GFRA1: variants seen among roughly 807,000 people sequenced by gnomAD.
GFRA1 encodes the protein GDNF family receptor alpha-1.
GFRA1 carries 16 observed loss-of-function variants against 51.6 expected under a neutral mutation model. That is an observed-to-expected ratio of 0.31 (90% confidence interval 0.21 to 0.47). GFRA1 has a LOEUF of 0.47. Ranked by LOEUF, GFRA1 falls within the 20% of genes least tolerant of loss-of-function variation. GFRA1 has a pLI of 1.00. For synonymous variants in GFRA1, 270 were observed against 241.3 expected (o/e 1.12, Z -1.10); for missense variants, 530 against 594.3 (o/e 0.89, Z 1.13).
intron 4 of GFRA1, among the ~76,000 whole-genome samples, chr10:116,248,201 G>A (rs981910854): frequency 2.0e-5 from 3 of 152,178 alleles, no homozygotes; most frequent in African/African-American, 7.2e-5. Flanking sequence ...AGGGCAAAAG[G>A]TAAGAGCAAG....
At chr10:116,151,214 T>C (rs1270540504) in intron 5 of GFRA1, among the ~76,000 whole-genome samples, 1 of 152,180 alleles carries the variant, frequency 6.6e-6, no homozygotes, top group Non-Finnish European at 1.5e-5. Flanking sequence ...TGCTTTCTGC[T>C]CCTAGGTTTC....
At chr10:116,266,694 C>T (rs1969681541) in intron 4 of GFRA1, among the ~76,000 whole-genome samples, 1 of 152,186 alleles carries the variant, frequency 6.6e-6, no homozygotes. Flanking sequence ...AGAAAGCTGG[C>T]CTGCGAATGG....
At chr10:116,197,377 A>G (rs974025375) in intron 5 of GFRA1, among the ~76,000 whole-genome samples, 1 of 152,152 alleles carries the variant, frequency 6.6e-6, no homozygotes, top group South Asian at 2.1e-4. Context: ...CCTTGATCTT[A>G]GACCTCCCAG....
At position 116,211,246 on chromosome 10, in the gene GFRA1, A is replaced by G. The variant is rs1965170202; in HGVS notation, c.433+385T>C. 3.3e-5 allele frequency among the ~76,000 whole-genome samples: 5 copies of G among 152,210 alleles called. No homozygotes were observed. The South Asian group carries it at 1.0e-3, about 32-fold the overall frequency. Reference sequence around the variant, plus strand: ...AATCTCCACTGGCACTGGTATAAGGAGCAGCAGCTGAGCCGGATGCAGGAG... The same window carrying G: ...AATCTCCACTGGCACTGGTATAAGGGGCAGCAGCTGAGCCGGATGCAGGAG... On this transcript the variant is annotated intron_variant, in intron 5 of 10. Transcript: ENST00000355422.
chr10:116,195,677 G>C (rs544947269), intron 5 of GFRA1, among the ~76,000 whole-genome samples: 8 of 152,274 alleles, frequency 5.3e-5, no homozygotes, highest in African/African-American at 1.9e-4. Flanking sequence ...CATGGCCCAG[G>C]GATCTCCAAC....
chr10:116,270,122 C>A (rs1262701983), intron 3 of GFRA1, among the ~76,000 whole-genome samples: 1 of 152,152 alleles, frequency 6.6e-6, no homozygotes, highest in African/African-American at 2.4e-5. Context: ...AATGAACACA[C>A]AAGATGTTTG....
intron 4 of GFRA1, among the ~76,000 whole-genome samples, chr10:116,256,025 G>A (rs1014983823): frequency 6.6e-6 from 1 of 152,152 alleles, no homozygotes; most frequent in Non-Finnish European, 1.5e-5. Flanking sequence ...AAAGGAAGGC[G>A]CTGGCAGTCA....
chr10:116,220,109 A>C (rs1234756136), intron 4 of GFRA1, among the ~76,000 whole-genome samples: 1 of 152,194 alleles, frequency 6.6e-6, no homozygotes, highest in African/African-American at 2.4e-5. Context: ...TTCACAAAAA[A>C]ATTTCATTCT....
chr10:116,272,059 C>T lies in GFRA1; in HGVS notation c.-30G>A, dbSNP rs376620181. On this transcript the variant is annotated 5_prime_UTR_variant, in exon 2 of 11. Coordinates refer to ENST00000355422, the MANE Select transcript of GFRA1 (RefSeq NM_005264.8). This position sits in a 1 kb window ranked among gnomAD's most constrained non-coding sequence, Gnocchi z 4.4. Reference sequence around the variant, plus strand: ...CCGGCGCGGGGCTGGTCCCCGCCCCCCCAAAAAAATCCCGAGCCGCCGCTG... The same window carrying T: ...CCGGCGCGGGGCTGGTCCCCGCCCCTCCAAAAAAATCCCGAGCCGCCGCTG... 5.2e-6 allele frequency: 8 copies of T among 1,545,908 alleles called. No homozygotes were observed. Among genetic ancestry groups the T allele is most frequent in the Non-Finnish European group, 7.0e-6 (8 of 1,143,820 alleles).
intron 6 of GFRA1, among the ~76,000 whole-genome samples, chr10:116,102,552 G>A (rs1036296455): frequency 3.9e-5 from 6 of 152,184 alleles, no homozygotes; most frequent in Non-Finnish European, 8.8e-5. Context: ...GAGGTTTAAT[G>A]CATTCACAGT....
chr10:116,098,775 C>T (rs939285283), intron 6 of GFRA1, among the ~76,000 whole-genome samples: 2 of 152,234 alleles, frequency 1.3e-5, no homozygotes, highest in African/African-American at 4.8e-5. Context: ...AGACTAATGC[C>T]ACCAGACTCA....
intron 5 of GFRA1, among the ~76,000 whole-genome samples, chr10:116,169,040 G>C (rs1441190975): frequency 6.6e-6 from 1 of 152,144 alleles, no homozygotes; most frequent in Admixed American, 6.5e-5. Flanking sequence ...AGGGCAGTGG[G>C]CTGGGCCCCA....
intron 6 of GFRA1, among the ~76,000 whole-genome samples, chr10:116,100,364 T>C (rs1429020175): frequency 1.3e-5 from 2 of 152,184 alleles, no homozygotes; most frequent in Non-Finnish European, 2.9e-5. Flanking sequence ...TTTAAGCAAC[T>C]CCTTCTAGGT....
rs141759287 is a variant in GFRA1 at position 116,088,139 on chromosome 10, C to T, written c.1197+1602G>A. 3.5e-4 allele frequency among the ~76,000 whole-genome samples: 53 copies of T among 152,116 alleles called. 1 individual carries two copies. The East Asian group carries it at 9.2e-3, about 26-fold the overall frequency. ...CAGAGACATAAGCTCAGATGAATGG[C>T]GTGGAGGACACCCAAGATGAAGAGG... On this transcript the variant is annotated intron_variant, in intron 9 of 10. Coordinates refer to ENST00000355422, the MANE Select transcript of GFRA1 (RefSeq NM_005264.8).
At chr10:116,239,872 C>G (rs886562024) in intron 4 of GFRA1, among the ~76,000 whole-genome samples, 1 of 152,100 alleles carries the variant, frequency 6.6e-6, no homozygotes, top group African/African-American at 2.4e-5. Context: ...TTGAGCAAAA[C>G]TATCAAAGCA....
At position 116,137,129 on chromosome 10, in the gene GFRA1, G is replaced by C. The variant is rs544323983; in HGVS notation, c.434-11572C>G. On this transcript the variant is annotated intron_variant, in intron 5 of 10. Coordinates refer to ENST00000355422, the MANE Select transcript of GFRA1 (RefSeq NM_005264.8). ...TTCCTCCCAACAGCTAGAGCAAAAA[G>C]ATGCCACCAGAAGGCAGGCTACAGG... Among the ~76,000 whole-genome samples the C allele has an allele frequency of 3.5e-4, 53 of 152,282 alleles. No homozygotes were observed. The South Asian group carries it at 3.7e-3, about 11-fold the overall frequency.
intron 6 of GFRA1, among the ~76,000 whole-genome samples, chr10:116,109,311 G>A (rs1403169756): frequency 2.0e-5 from 3 of 152,110 alleles, no homozygotes; most frequent in African/African-American, 7.2e-5. Context: ...CTTGGACTTT[G>A]GCTGCCATTT....
At chr10:116,116,846 A>G (rs1957430126) in intron 6 of GFRA1, among the ~76,000 whole-genome samples, 1 of 152,236 alleles carries the variant, frequency 6.6e-6, no homozygotes, top group South Asian at 2.1e-4. Flanking sequence ...TCTTATGGAC[A>G]TGATGGTCTA....
Position 116,151,779 on chromosome 10 carries a change from A to T in GFRA1, c.434-26222T>A, listed in dbSNP as rs1565612965. 2.6e-5 allele frequency among the ~76,000 whole-genome samples: 4 copies of T among 152,294 alleles called. No homozygotes were observed. In the South Asian group the frequency reaches 8.3e-4, roughly 32 times the overall value. On this transcript the variant is annotated intron_variant, in intron 5 of 10. Coordinates refer to ENST00000355422, the MANE Select transcript of GFRA1 (RefSeq NM_005264.8). Reference sequence around the variant, plus strand: ...CCATTCATTTCTTTGTTTATTGAGGATCGACTGTGTTCCTGAAATAAGGCA... The same window carrying T: ...CCATTCATTTCTTTGTTTATTGAGGTTCGACTGTGTTCCTGAAATAAGGCA...
Sources: allele counts gnomAD v4.1 joint callset (sites outside exome capture counted in the v4.1 genomes callset), GRCh38; gene constraint gnomAD v4.1.1; non-coding constraint Gnocchi (gnomAD v3.1); transcripts MANE v1.5; gene names NCBI Gene and HGNC (gene_info 2026-07-23, HGNC 2026-07-21).